DAP3: variants seen among roughly 807,000 people sequenced by gnomAD.
DAP3 encodes death associated protein 3.
Under a neutral mutation model 51.9 loss-of-function variants are expected in DAP3, and 28 were observed. That is an observed-to-expected ratio of 0.54 (90% CI 0.40 to 0.74). The LOEUF (loss-of-function observed/expected upper bound fraction) is 0.74. DAP3 is among the 30% of genes least tolerant of loss of function. DAP3 has a pLI of 0.00. For synonymous variants in DAP3, 170 were observed against 170.3 expected (o/e 1.00, Z 0.01); for missense variants, 458 against 483.5 (o/e 0.95, Z 0.49).
intron 1 of DAP3, among the ~76,000 whole-genome samples, chr1:155,698,349 A>T (rs1281625603): frequency 1.3e-5 from 2 of 152,194 alleles, no homozygotes; most frequent in African/African-American, 4.8e-5. Flanking sequence ...TTATAAAAGT[A>T]TTAATTTAGG....
chr1:155,690,327 G>A (rs142619787), intron 1 of DAP3, among the ~76,000 whole-genome samples: 2 of 141,178 alleles, frequency 1.4e-5, no homozygotes, highest in East Asian at 3.9e-4. Flanking sequence ...GGAGGAGGGC[G>A]CATTGCTTGA....
At chr1:155,693,404 T>A (rs1057078193) in intron 1 of DAP3, among the ~76,000 whole-genome samples, 2 of 141,878 alleles carry the variant, frequency 1.4e-5, no homozygotes, top group Non-Finnish European at 2.9e-5. Flanking sequence ...ATCATTACCT[T>A]CCATAATTTG....
intron 7 of DAP3, 143 bp from the exon 8 acceptor site, chr1:155,728,899 T>C (rs1658902678): frequency 1.5e-6 from 1 of 688,404 alleles, no homozygotes; most frequent in African/African-American, 1.8e-5. Flanking sequence ...CATTCACTTC[T>C]ACATTGAGGT....
chr1:155,688,762 A>G, upstream of DAP3: 1 of 1,521,060 alleles, frequency 6.6e-7, no homozygotes. Flanking sequence ...CGCCGCCAGC[A>G]CCCCCACCCT....
intron 9 of DAP3, among the ~76,000 whole-genome samples, chr1:155,730,234 T>G (rs940757910): frequency 3.3e-5 from 5 of 149,274 alleles, no homozygotes; most frequent in African/African-American, 7.3e-5. Flanking sequence ...CATATATGTA[T>G]ATATGTATAT....
chr1:155,720,736 A>G (rs914822822), intron 3 of DAP3, among the ~76,000 whole-genome samples: 4 of 151,716 alleles, frequency 2.6e-5, no homozygotes, highest in African/African-American at 9.7e-5. Flanking sequence ...AGTCTTGGTC[A>G]CAGATAAAAA....
intron 4 of DAP3, among the ~76,000 whole-genome samples, chr1:155,724,293 G>A (rs749806555): frequency 2.6e-5 from 4 of 152,070 alleles, no homozygotes; most frequent in Non-Finnish European, 2.9e-5. Context: ...CTCCTGAGCC[G>A]CCATGTATTT....
At chr1:155,702,029 T>G (rs1655348292) in intron 1 of DAP3, among the ~76,000 whole-genome samples, 1 of 148,584 alleles carries the variant, frequency 6.7e-6, no homozygotes, top group Non-Finnish European at 1.5e-5. Context: ...GGAGCACATC[T>G]CACCAAAGAC....
At chr1:155,732,151 T>TA (rs1256334229) in intron 11 of DAP3, 118 bp downstream of exon 11, 1 of 785,654 alleles carries the variant, frequency 1.3e-6, no homozygotes, top group African/African-American at 1.8e-5. Flanking sequence ...CATATTCCTG[T>TA]ATGCCCTTCC....
intron 1 of DAP3, among the ~76,000 whole-genome samples, chr1:155,693,948 C>G (rs1223960271): frequency 7.2e-6 from 1 of 139,038 alleles, no homozygotes; most frequent in Non-Finnish European, 1.5e-5. Flanking sequence ...GCAACAAGAG[C>G]AAAACTCCCT....
chr1:155,732,935 A>T (rs1659393274), intron 11 of DAP3, among the ~76,000 whole-genome samples: 1 of 152,172 alleles, frequency 6.6e-6, no homozygotes, highest in Non-Finnish European at 1.5e-5. Context: ...GAGGTAGGAG[A>T]ATCGCTTGAA....
chr1:155,718,152 G>A (rs1229534494), intron 3 of DAP3, among the ~76,000 whole-genome samples: 2 of 152,138 alleles, frequency 1.3e-5, no homozygotes, highest in East Asian at 1.9e-4. Flanking sequence ...TTGGGAGGCC[G>A]AGGCAGGAGG....
chr1:155,725,393 C>G lies in DAP3; in HGVS notation c.282C>G (p.Phe94Leu). The G allele has an allele frequency of 6.2e-7, 1 of 1,613,768 alleles. No individual in the cohort carries two copies. The highest frequency in any genetic ancestry group is 1.1e-5 in the South Asian group (1 of 91,070). Residue 94 changes from phenylalanine to leucine, a missense_variant, in exon 5 of 13, where the codon TTC becomes TTG. Transcript: ENST00000368336. Reference sequence around the variant, plus strand: ...TCCTACTTTATCAGGTGAAGACATTCAGTGAAGCTTGCCTGATGGTAAGGA... The same window carrying G: ...TCCTACTTTATCAGGTGAAGACATTGAGTGAAGCTTGCCTGATGGTAAGGA... Reference protein sequence around the residue: ...PPRFVMQVKTFSEACLMVRKP... With the variant: ...PPRFVMQVKTLSEACLMVRKP...
chr1:155,695,128 T>C (rs1399619271), intron 1 of DAP3, among the ~76,000 whole-genome samples: 1 of 152,212 alleles, frequency 6.6e-6, no homozygotes, highest in Non-Finnish European at 1.5e-5. Context: ...CTGTTGTCTG[T>C]TTTTAATTTT....
rs6143433 is a variant in DAP3, at chr1:155,738,972, A to AAAAT, written c.*761_*764dup. On this transcript the variant is annotated 3_prime_UTR_variant, in exon 13 of 13. Transcript: ENST00000368336. ...GGGCAGCAGAGCAAGACTCCGTCTC[A>AAAAT]AAATAAATAAATAAATAAATAAATA... 0.068 allele frequency: 9,811 copies of AAAAT among 144,432 alleles called. 486 individuals carry two copies. The highest frequency in any genetic ancestry group is 0.14 in the African/African-American group (5,236 of 38,748). 8.9% of individuals were successfully genotyped at this position (144,432 alleles called of 1,614,324 possible). A position where few individuals can be genotyped will look rare whatever the true frequency, so the allele number is the denominator to read the frequency against.
intron 3 of DAP3, 85 bp downstream of exon 3, chr1:155,717,213 A>G: frequency 6.4e-7 from 1 of 1,568,602 alleles, no homozygotes; most frequent in Non-Finnish European, 8.6e-7. Flanking sequence ...ACTGAAACTG[A>G]AAGAAGCTTA....
chr1:155,688,095 G>C (rs1318558167), upstream of DAP3: 4 of 1,601,724 alleles, frequency 2.5e-6, no homozygotes, highest in East Asian at 2.2e-5. Context: ...AGAGCGATGA[G>C]AGTACAGGGA....
intron 1 of DAP3, among the ~76,000 whole-genome samples, chr1:155,708,348 A>G (rs556741282): frequency 6.6e-6 from 1 of 151,722 alleles, no homozygotes; most frequent in Non-Finnish European, 1.5e-5. Flanking sequence ...CACACTTTCA[A>G]CTTTTTGTTT....
chr1:155,714,747 C>G (rs892387730), intron 2 of DAP3, among the ~76,000 whole-genome samples: 15 of 151,592 alleles, frequency 9.9e-5, no homozygotes, highest in African/African-American at 3.2e-4. Context: ...AAGAGTGAGA[C>G]TCCGTCTCAA....
Sources: allele counts gnomAD v4.1 joint callset (sites outside exome capture counted in the v4.1 genomes callset), GRCh38; gene constraint gnomAD v4.1.1; transcripts MANE v1.5; gene names NCBI Gene and HGNC (gene_info 2026-07-23, HGNC 2026-07-21).